Variants in LDB2 observed in about 807,000 individuals in gnomAD.
LDB2 encodes LIM domain binding 2.
A neutral mutation model predicts 44.3 loss-of-function variants in LDB2; 12 were observed. That is an observed-to-expected ratio of 0.27 (90% CI 0.17 to 0.44). LDB2 has a LOEUF of 0.44. LDB2 is among the 20% of genes least tolerant of loss of function. The pLI is 1.00. For synonymous variants in LDB2, 164 were observed against 174.8 expected (o/e 0.94, Z 0.49); for missense variants, 344 against 473.5 (o/e 0.73, Z 2.54).
intron 2 of LDB2, among the ~76,000 whole-genome samples, chr4:16,647,334 T>C (rs1214629776): frequency 6.6e-6 from 1 of 152,078 alleles, no homozygotes; most frequent in African/African-American, 2.4e-5. Flanking sequence ...GTGATGAAAA[T>C]GTTCTAAAAT....
At chr4:16,668,236 C>T (rs1578625276) in intron 2 of LDB2, among the ~76,000 whole-genome samples, 2 of 151,980 alleles carry the variant, frequency 1.3e-5, no homozygotes, top group South Asian at 4.2e-4. Context: ...GCTTGAAAAA[C>T]ACTTTGGCAA....
chr4:16,598,584 G>GT (rs1326168933), intron 2 of LDB2, among the ~76,000 whole-genome samples: 1 of 152,132 alleles, frequency 6.6e-6, no homozygotes, highest in Admixed American at 6.5e-5. Flanking sequence ...AAGTCAACAT[G>GT]TGTTGAGGTG....
At chr4:16,752,040 G>A (rs1027112697) in intron 2 of LDB2, among the ~76,000 whole-genome samples, 5 of 152,172 alleles carry the variant, frequency 3.3e-5, no homozygotes, top group African/African-American at 1.2e-4. Flanking sequence ...GGAACCCCAT[G>A]CGAATAAATG....
chr4:16,535,912 A>G (rs748962240), intron 5 of LDB2, among the ~76,000 whole-genome samples: 1 of 152,194 alleles, frequency 6.6e-6, no homozygotes. Flanking sequence ...AAGGAATAAT[A>G]AAAAACGTGC....
At chr4:16,800,776 G>T (rs1178596848) in intron 1 of LDB2, among the ~76,000 whole-genome samples, 2 of 152,178 alleles carry the variant, frequency 1.3e-5, no homozygotes, top group Non-Finnish European at 2.9e-5. Context: ...CCAGGTTCAC[G>T]CCATTCTCCT....
chr4:16,587,717 C>A (rs1459292864), intron 4 of LDB2, among the ~76,000 whole-genome samples: 1 of 152,108 alleles, frequency 6.6e-6, no homozygotes, highest in African/African-American at 2.4e-5. Flanking sequence ...AGCTGGGAGA[C>A]AAAGTCAGAA....
intron 2 of LDB2, among the ~76,000 whole-genome samples, chr4:16,622,561 T>C (rs953141858): frequency 5.9e-5 from 9 of 152,228 alleles, no homozygotes; most frequent in African/African-American, 2.2e-4. Flanking sequence ...AGGTTCTGAA[T>C]GAAAAGCTTT....
At chr4:16,832,730 A>G (rs910462118) in intron 1 of LDB2, among the ~76,000 whole-genome samples, 8 of 152,202 alleles carry the variant, frequency 5.3e-5, no homozygotes, top group Non-Finnish European at 1.2e-4. Context: ...GAGAAAGACT[A>G]CTGCCCAGAT....
chr4:16,704,617 A>G (rs1035985221), intron 2 of LDB2, among the ~76,000 whole-genome samples: 8 of 152,232 alleles, frequency 5.3e-5, no homozygotes, highest in Non-Finnish European at 1.0e-4. Flanking sequence ...TCAAAGCAAG[A>G]AAAAATTTAC....
In LDB2 at chr4:16,739,671, C is replaced by T. The variant is rs59158367; in HGVS notation, c.235+19487G>A. On this transcript the variant is annotated intron_variant, in intron 2 of 7. Coordinates refer to ENST00000304523, the MANE Select transcript of LDB2 (RefSeq NM_001290.5). ...ATATGTGTGTATATATGTATATATA[C>T]ATATGTGTGTATATATGTATATATA... Among the ~76,000 whole-genome samples the T allele has an allele frequency of 4.3e-4, 22 of 51,580 alleles. 1 individual carries two copies. The highest frequency in any genetic ancestry group is 1.4e-3 in the African/African-American group (14 of 9,866). The allele number at this position is 51,580 out of a possible 152,430, so 33.8% of individuals were successfully genotyped here. A position where few individuals can be genotyped will look rare whatever the true frequency, so the allele number is the denominator to read the frequency against.
chr4:16,662,357 T>G (rs1359122106), intron 2 of LDB2, among the ~76,000 whole-genome samples: 1 of 152,200 alleles, frequency 6.6e-6, no homozygotes, highest in South Asian at 2.1e-4. Flanking sequence ...AGAAAGTAGC[T>G]AAAAAATAAA....
At chr4:16,646,710 C>T (rs933838192) in intron 2 of LDB2, among the ~76,000 whole-genome samples, 8 of 152,170 alleles carry the variant, frequency 5.3e-5, no homozygotes, top group African/African-American at 1.7e-4. Flanking sequence ...AGATTTGGTG[C>T]TTTTTATGCA....
At chr4:16,743,030 C>T (rs1267883896) in intron 2 of LDB2, among the ~76,000 whole-genome samples, 1 of 152,120 alleles carries the variant, frequency 6.6e-6, no homozygotes, top group African/African-American at 2.4e-5. Flanking sequence ...TGGCTCACAC[C>T]TGTAATCCCA....
intron 5 of LDB2, among the ~76,000 whole-genome samples, chr4:16,529,240 A>G (rs796272769): frequency 1.3e-4 from 20 of 152,274 alleles, no homozygotes; most frequent in Admixed American, 9.8e-4. Flanking sequence ...GACCGAATCA[A>G]TTACCCCCAT....
intron 1 of LDB2, among the ~76,000 whole-genome samples, chr4:16,800,810 G>A (rs1237227096): frequency 6.6e-6 from 1 of 152,212 alleles, no homozygotes; most frequent in African/African-American, 2.4e-5. Flanking sequence ...AAGTAGCTGG[G>A]ACTACAGGCG....
At chr4:16,855,709 C>CT (rs1789226988) in intron 1 of LDB2, among the ~76,000 whole-genome samples, 1 of 152,038 alleles carries the variant, frequency 6.6e-6, no homozygotes, top group Non-Finnish European at 1.5e-5. Context: ...CTTCTTAACA[C>CT]TTAAAGCCTT....
At chr4:16,859,747 A>G (rs1032504756) in intron 1 of LDB2, among the ~76,000 whole-genome samples, 1 of 152,194 alleles carries the variant, frequency 6.6e-6, no homozygotes, top group East Asian at 1.9e-4. Context: ...ACAGTACCAG[A>G]GGGGTTACTG....
At chr4:16,852,617 C>T (rs1788513998) in intron 1 of LDB2, among the ~76,000 whole-genome samples, 1 of 152,168 alleles carries the variant, frequency 6.6e-6, no homozygotes, top group Non-Finnish European at 1.5e-5. Context: ...TAACTTGCTT[C>T]AGCTTTTCCT....
chr4:16,755,481 G>A (rs1474986654), intron 2 of LDB2, among the ~76,000 whole-genome samples: 1 of 48,862 alleles, frequency 2.0e-5, no homozygotes, highest in Non-Finnish European at 5.1e-5. Flanking sequence ...GGGTGTGTGT[G>A]TGTGTGTGTG....
Sources: allele counts gnomAD v4.1 joint callset (sites outside exome capture counted in the v4.1 genomes callset), GRCh38; gene constraint gnomAD v4.1.1; transcripts MANE v1.5; gene names NCBI Gene and HGNC (gene_info 2026-07-23, HGNC 2026-07-21).